FRMPD4: variants seen among roughly 807,000 people sequenced by gnomAD.
FRMPD4 encodes FERM and PDZ domain containing 4, also known as FERM and PDZ domain-containing protein 4.
Under a neutral mutation model 94.1 loss-of-function variants are expected in FRMPD4, and 22 were observed. That is an observed-to-expected ratio of 0.23 (90% CI 0.17 to 0.33). FRMPD4 has a LOEUF of 0.33. Ranked by LOEUF, FRMPD4 falls within the 10% of genes least tolerant of loss-of-function variation. The pLI is 1.00. For synonymous variants in FRMPD4, 631 were observed against 548.6 expected (o/e 1.15, Z -2.10); for missense variants, 1,111 against 1,339.9 (o/e 0.83, Z 2.67).
intron 1 of FRMPD4, among the ~76,000 whole-genome samples, chrX:11,824,378 TC>T (rs764066580): frequency 1.8e-5 from 2 of 111,955 alleles, no homozygotes; most frequent in African/African-American, 6.5e-5. Flanking sequence ...TCTGAGTACA[TC>T]ATGGCATCTT....
chrX:12,334,880 A>G, intron 1 of FRMPD4, among the ~76,000 whole-genome samples: 1 of 111,310 alleles, frequency 9.0e-6, no homozygotes. Context: ...GCATCTTTTA[A>G]TAAATGCCAG....
At chrX:12,243,891 G>A (rs1004679542) in intron 1 of FRMPD4, among the ~76,000 whole-genome samples, 16 of 92,255 alleles carry the variant, frequency 1.7e-4, no homozygotes, top group Middle Eastern at 0.013. Flanking sequence ...GACCTCCTGG[G>A]CTCAAGCGAT....
intron 1 of FRMPD4, among the ~76,000 whole-genome samples, chrX:12,370,473 G>C (rs768294275): frequency 3.6e-5 from 4 of 112,015 alleles, no homozygotes; most frequent in Non-Finnish European, 5.6e-5. Flanking sequence ...TCTGTGCTTG[G>C]CCTTGACCAT....
intron 4 of FRMPD4, among the ~76,000 whole-genome samples, chrX:12,654,930 G>C (rs1602268562): frequency 8.9e-6 from 1 of 112,323 alleles, no homozygotes; most frequent in East Asian, 2.8e-4. Context: ...TGTGAACTGA[G>C]AACATTGAAT....
chrX:11,990,452 G>A (rs1366983004), intron 3 of FRMPD4, among the ~76,000 whole-genome samples: 1 of 111,967 alleles, frequency 8.9e-6, no homozygotes, highest in Admixed American at 9.5e-5. Context: ...CTAATTTTAT[G>A]TTCTGCAAAT....
chrX:12,286,792 T>C (rs1055934790), intron 1 of FRMPD4, among the ~76,000 whole-genome samples: 3 of 107,681 alleles, frequency 2.8e-5, no homozygotes, highest in Admixed American at 9.7e-5. Context: ...GACATTTTGG[T>C]GTCCTCTAAA....
intron 3 of FRMPD4, among the ~76,000 whole-genome samples, chrX:12,061,678 A>G (rs935390854): frequency 1.8e-5 from 2 of 112,281 alleles, no homozygotes; most frequent in Non-Finnish European, 3.8e-5. Context: ...ATTTATTTGG[A>G]AACTCAAAAA....
At chrX:12,666,626 C>T (rs1333409674) in intron 4 of FRMPD4, among the ~76,000 whole-genome samples, 6 of 111,954 alleles carry the variant, frequency 5.4e-5, no homozygotes, top group Non-Finnish European at 1.1e-4. Flanking sequence ...TTAAGAAACT[C>T]ACTCAAAACC....
chrX:11,847,528 G>C (rs1257694170), intron 1 of FRMPD4, among the ~76,000 whole-genome samples: 3 of 108,340 alleles, frequency 2.8e-5, no homozygotes, highest in Non-Finnish European at 3.8e-5. Context: ...CATCCCATTA[G>C]TGGGTATATA....
At chrX:12,542,635 T>A (rs1229951622) in intron 2 of FRMPD4, among the ~76,000 whole-genome samples, 1 of 111,640 alleles carries the variant, frequency 9.0e-6, no homozygotes, top group Admixed American at 9.5e-5. Flanking sequence ...GATAGAAGAA[T>A]CAATATCATG....
chrX:12,580,984 C>G, intron 2 of FRMPD4, among the ~76,000 whole-genome samples: 1 of 112,129 alleles, frequency 8.9e-6, no homozygotes. Flanking sequence ...TGCAGTTGAC[C>G]ACAGATAACT....
intron 3 of FRMPD4, among the ~76,000 whole-genome samples, chrX:11,925,313 G>C (rs1001507346): frequency 9.0e-6 from 1 of 111,499 alleles, no homozygotes; most frequent in Non-Finnish European, 1.9e-5. Flanking sequence ...ATAATAGTGA[G>C]AGACTTTAAC....
chrX:12,661,846 T>C (rs2059717409), intron 4 of FRMPD4, among the ~76,000 whole-genome samples: 1 of 111,927 alleles, frequency 8.9e-6, no homozygotes, highest in Admixed American at 9.5e-5. Flanking sequence ...AAACCCCCAT[T>C]TCAAGTGCAG....
intron 1 of FRMPD4, among the ~76,000 whole-genome samples, chrX:12,247,552 T>G (rs981235497): frequency 1.8e-5 from 2 of 112,054 alleles, no homozygotes; most frequent in African/African-American, 6.5e-5. Context: ...TGCATTTTAT[T>G]TTTTTGTTTT....
At chrX:12,320,438 A>T (rs1380018483) in intron 1 of FRMPD4, among the ~76,000 whole-genome samples, 1 of 111,621 alleles carries the variant, frequency 9.0e-6, no homozygotes, top group Non-Finnish European at 1.9e-5. Context: ...AGCAGTCTAC[A>T]TCCTGAATGC....
chrX:12,092,095 G>A (rs1410644989), intron 3 of FRMPD4, among the ~76,000 whole-genome samples: 1 of 111,387 alleles, frequency 9.0e-6, no homozygotes, highest in African/African-American at 3.3e-5. Context: ...GATTTTGCCT[G>A]TTCATATGAA....
intron 1 of FRMPD4, among the ~76,000 whole-genome samples, chrX:12,182,393 T>C (rs1404998381): frequency 2.7e-5 from 3 of 110,874 alleles, no homozygotes; most frequent in African/African-American, 3.3e-5. Flanking sequence ...ATATTTATAT[T>C]CTTAACATGA....
chrX:11,988,959 A>G (rs1102224), intron 3 of FRMPD4, among the ~76,000 whole-genome samples: 49,647 of 110,015 alleles, frequency 0.45, 8,065 homozygotes, highest in East Asian at 0.71. Flanking sequence ...GCAATCACCA[A>G]TGCTGCTGAG....
At chrX:12,042,890 C>G (rs755613862) in intron 3 of FRMPD4, among the ~76,000 whole-genome samples, 1 of 112,009 alleles carries the variant, frequency 8.9e-6, no homozygotes, top group South Asian at 3.7e-4. Flanking sequence ...CATGAGTTTT[C>G]TGCTCTGCTT....
Sources: gnomAD v4.1 joint callset for allele counts (sites outside exome capture counted in the v4.1 genomes callset) on GRCh38, gnomAD v4.1.1 for gene constraint, MANE v1.5 for transcripts, NCBI Gene and HGNC (gene_info 2026-07-23, HGNC 2026-07-21) for gene names.